Variants in CCDC92 observed in about 807,000 individuals in gnomAD.
The protein encoded by CCDC92 is coiled-coil domain containing 92, also known as coiled-coil domain-containing protein 92.
CCDC92 carries 12 observed loss-of-function variants against 24.9 expected under a neutral mutation model. The observed-to-expected ratio is 0.48, with a 90% confidence interval of 0.31 to 0.78. The LOEUF is 0.78. Ranked by LOEUF, CCDC92 falls within the 30% of genes least tolerant of loss-of-function variation. The pLI is 0.05. For synonymous variants in CCDC92, 193 were observed against 196.3 expected (o/e 0.98, Z 0.14); for missense variants, 399 against 439.4 (o/e 0.91, Z 0.82).
chr12:123,943,216 T>A (rs1434249405), intron 3 of CCDC92, 131 bp downstream of exon 3: 2 of 914,180 alleles, frequency 2.2e-6, no homozygotes, highest in Non-Finnish European at 3.3e-6. Context: ...GAGGATGATA[T>A]AAGGCATTCA....
chr12:123,937,412 C>CT lies in CCDC92; in HGVS notation c.641_642insA (p.His215AlafsTer5). ...TGTAGACCTCTTCAAATTCCGGGTG[C>CT]AAGGGGGCTGAGAGGCTCTTTTTCA... On this transcript the variant is annotated frameshift_variant, in exon 5 of 5. Coordinates refer to ENST00000238156, the MANE Select transcript of CCDC92 (RefSeq NM_025140.3). LOFTEE classifies it high-confidence loss of function. This position sits in a 1 kb window ranked among gnomAD's most constrained non-coding sequence, Gnocchi z 8.4. 6.2e-7 allele frequency: 1 copy of CT among 1,613,842 alleles called. No individual in the cohort carries two copies. The highest frequency in any genetic ancestry group is 8.5e-7 in the Non-Finnish European group (1 of 1,180,000).
At chr12:123,957,157 C>T (rs754656835) in intron 1 of CCDC92, among the ~76,000 whole-genome samples, 25 of 152,204 alleles carry the variant, frequency 1.6e-4, no homozygotes, top group Non-Finnish European at 2.9e-4. Flanking sequence ...AATAAGCACC[C>T]GATGTATCCA....
At chr12:123,938,201 C>T (rs1015354922) in intron 4 of CCDC92, among the ~76,000 whole-genome samples, 3 of 152,202 alleles carry the variant, frequency 2.0e-5, no homozygotes, top group African/African-American at 7.2e-5. Context: ...CTGCTACATT[C>T]AAAGTACTGT....
intron 1 of CCDC92, among the ~76,000 whole-genome samples, chr12:123,965,320 C>A (rs1251192920): frequency 6.6e-6 from 1 of 152,206 alleles, no homozygotes; most frequent in Non-Finnish European, 1.5e-5. Context: ...GCAAATTGAT[C>A]TTTGGGATGC....
chr12:123,958,402 TAACTA>T (rs1486900388), intron 1 of CCDC92, among the ~76,000 whole-genome samples: 2 of 152,220 alleles, frequency 1.3e-5, no homozygotes, highest in Non-Finnish European at 2.9e-5. Context: ...TGAAGACACT[TAACTA>T]AACTTGCAAA....
chr12:123,954,585 AG>A (rs1467801982), intron 1 of CCDC92, among the ~76,000 whole-genome samples: 2 of 152,142 alleles, frequency 1.3e-5, no homozygotes, highest in African/African-American at 4.8e-5. Context: ...ATACTTTAAG[AG>A]TTTCTATTTG....
At chr12:123,970,420 A>C (rs577172767) in intron 1 of CCDC92, 1 of 152,364 alleles carries the variant, frequency 6.6e-6, no homozygotes, top group African/African-American at 2.4e-5. Context: ...TTCTGTACTC[A>C]ATAATTACTC....
rs1233184412 is a variant in CCDC92 at position 123,936,620 on chromosome 12, G to GT, written c.*437dup. The GT allele has an allele frequency of 5.3e-6, 1 of 188,638 alleles. No individual in the cohort carries two copies. The highest frequency in any genetic ancestry group is 1.1e-5 in the Non-Finnish European group (1 of 90,618). 11.7% of individuals were successfully genotyped at this position (188,638 alleles called of 1,614,324 possible). ...GGGGTCTCCAGGAGGAGCTCGGGAG[G>GT]TGACAAGGGTCTCCAGGAGGGAGCA... is the stretch of plus-strand genomic sequence containing the variant. On this transcript the variant is annotated 3_prime_UTR_variant, in exon 5 of 5. Transcript: ENST00000238156.
chr12:123,964,706 A>G (rs971268930), intron 1 of CCDC92, among the ~76,000 whole-genome samples: 11 of 152,232 alleles, frequency 7.2e-5, no homozygotes, highest in Admixed American at 5.2e-4. Context: ...GTGAATCTAA[A>G]CCTGAGTATA....
intron 1 of CCDC92, among the ~76,000 whole-genome samples, chr12:123,949,154 A>G (rs1275161903): frequency 6.6e-6 from 1 of 152,198 alleles, no homozygotes; most frequent in African/African-American, 2.4e-5. Context: ...CAGATGAATA[A>G]CGCCGCCTGC....
Position 123,937,537 on chromosome 12 carries a change from T to C in CCDC92, c.517A>G (p.Ser173Gly). 6.2e-7 allele frequency: 1 copy of C among 1,612,452 alleles called. No homozygotes were observed. The highest frequency in any genetic ancestry group is 1.1e-5 in the South Asian group (1 of 91,074). The change falls in exon 5 of 5, where the codon AGC becomes GGC. Residue 173 changes from serine to glycine, a missense_variant. Physicochemically the swap from Ser to Gly is moderately conservative, Grantham distance 56. Transcript: ENST00000238156. This position sits in a 1 kb window ranked among gnomAD's most constrained non-coding sequence, Gnocchi z 8.4. ...HAAKKKLMSS[S>G]GTSDASPSGS... Reference sequence around the variant, plus strand: ...GACGGGCTGGCATCTGAGGTCCCGCTGGAGCTCATGAGCTTCTTCTTGGCG... The same window carrying C: ...GACGGGCTGGCATCTGAGGTCCCGCCGGAGCTCATGAGCTTCTTCTTGGCG...
Position 123,944,296 on chromosome 12 carries a change from G to A in CCDC92, c.10C>T (p.Pro4Ser). MTS[P>S]HFSSYDEGPL... ...CCTTCATCGTAACTCGAGAAATGTG[G>A]TGAAGTCATGGGTCTTTCTGGAAAA... The change falls in exon 2 of 5, where the codon CCA becomes TCA. Residue 4 changes from proline to serine, a missense_variant. Pro to Ser is a moderately conservative substitution (Grantham distance 74). Transcript: ENST00000238156. 1 of 1,592,408 alleles carries A rather than the reference G, an allele frequency of 6.3e-7. No homozygotes were observed. The highest frequency in any genetic ancestry group is 1.1e-5 in the South Asian group (1 of 88,444).
intron 4 of CCDC92, among the ~76,000 whole-genome samples, chr12:123,938,303 C>T (rs1177512862): frequency 1.3e-5 from 2 of 152,132 alleles, no homozygotes; most frequent in Non-Finnish European, 2.9e-5. Flanking sequence ...GTCACCTTTG[C>T]TCTGCCGCTG....
At chr12:123,947,615 G>A (rs1325225182) in intron 1 of CCDC92, among the ~76,000 whole-genome samples, 2 of 152,180 alleles carry the variant, frequency 1.3e-5, no homozygotes, top group Non-Finnish European at 2.9e-5. Flanking sequence ...GAACCTTTGT[G>A]TGGATACTCT....
At chr12:123,959,127 G>C (rs1033882780) in intron 1 of CCDC92, among the ~76,000 whole-genome samples, 2 of 152,182 alleles carry the variant, frequency 1.3e-5, no homozygotes, top group African/African-American at 4.8e-5. Context: ...CCTTGGGCAA[G>C]TCACACGTAA....
At chr12:123,958,736 G>A (rs770801712) in intron 1 of CCDC92, among the ~76,000 whole-genome samples, 2 of 152,182 alleles carry the variant, frequency 1.3e-5, no homozygotes, top group African/African-American at 2.4e-5. Context: ...TCCTCACACC[G>A]CTCTAGGATA....
At chr12:123,952,874 A>C (rs1263518229) in intron 1 of CCDC92, among the ~76,000 whole-genome samples, 1 of 152,206 alleles carries the variant, frequency 6.6e-6, no homozygotes, top group African/African-American at 2.4e-5. Context: ...GGCTTTTTTA[A>C]TCTAGCAAAA....
intron 1 of CCDC92, chr12:123,945,548 C>G (rs901195871): frequency 1.3e-5 from 2 of 152,258 alleles, no homozygotes; most frequent in Admixed American, 1.3e-4. Flanking sequence ...CCTTGCCCTT[C>G]CCTCACAAAG....
chr12:123,943,353 AG>A lies in CCDC92; in HGVS notation c.174del (p.Cys59AlafsTer4). On this transcript the variant is annotated frameshift_variant, in exon 3 of 5. Coordinates refer to ENST00000238156, the MANE Select transcript of CCDC92 (RefSeq NM_025140.3). LOFTEE classifies it high-confidence loss of function. Reference sequence around the variant, plus strand: ...GGCCTGCTCCCCGATGTACCTGTGCAGTGCTGCTGCAGCCGCCTGATCTCGG... The same window carrying A: ...GGCCTGCTCCCCGATGTACCTGTGCATGCTGCTGCAGCCGCCTGATCTCGG... ...LHSEIRRLQQ[H>X]CTDLTYELTV... The A allele has an allele frequency of 6.2e-7, 1 of 1,612,982 alleles. No individual in the cohort carries two copies. The highest frequency in any genetic ancestry group is 8.5e-7 in the Non-Finnish European group (1 of 1,179,978).
Sources: gnomAD v4.1 joint callset for allele counts (sites outside exome capture counted in the v4.1 genomes callset) on GRCh38, gnomAD v4.1.1 for gene constraint, Gnocchi (gnomAD v3.1) non-coding constraint, MANE v1.5 for transcripts, NCBI Gene and HGNC (gene_info 2026-07-23, HGNC 2026-07-21) for gene names.